The following TRABD variants were observed in gnomAD, a reference collection of about 807,000 sequenced individuals.
TRABD encodes traB domain-containing protein.
A neutral mutation model predicts 39.6 loss-of-function variants in TRABD; 23 were observed. The ratio of observed to expected loss-of-function variants is 0.58; its 90% CI spans 0.42 to 0.82. TRABD has a LOEUF of 0.82. TRABD is among the 40% of genes least tolerant of loss of function. The pLI is 0.00. For missense variants in TRABD, 487 were observed against 544.9 expected (o/e 0.89, Z 1.06); for synonymous variants, 243 against 232.1 (o/e 1.05, Z -0.43).
At position 50,185,966 on chromosome 22, in the gene TRABD, G is replaced by C. The variant is rs1274810564; in HGVS notation, c.-45G>C. 1 of 148,422 alleles carries C rather than the reference G, an allele frequency of 6.7e-6. No individual in the cohort carries two copies. Among genetic ancestry groups the C allele is most frequent in the Non-Finnish European group, 1.5e-5 (1 of 66,482 alleles). 9.2% of individuals were successfully genotyped at this position (148,422 alleles called of 1,614,324 possible). A position where few individuals can be genotyped will look rare whatever the true frequency, so the allele number is the denominator to read the frequency against. On this transcript the variant is annotated 5_prime_UTR_variant, in exon 1 of 10. Coordinates refer to ENST00000380909, the MANE Select transcript of TRABD (RefSeq NM_001320485.2). ...TGGAGGCCGGCTGAGGAGCGCCGCT[G>C]CCTCGCCTCGGTACGCCGCGCGGCG...
chr22:50,195,468 GTT>G (rs577443382), intron 5 of TRABD, among the ~76,000 whole-genome samples: 1 of 144,520 alleles, frequency 6.9e-6, no homozygotes. Context: ...TTCGGTTTTT[GTT>G]TTTTTTTTTT....
intron 3 of TRABD, among the ~76,000 whole-genome samples, chr22:50,194,009 CT>C (rs1392353454): frequency 6.6e-6 from 1 of 152,252 alleles, no homozygotes; most frequent in Non-Finnish European, 1.5e-5. Flanking sequence ...AGCCCCTCCC[CT>C]AGCTGAGCCC....
rs1405958914 is a variant in TRABD at position 50,194,530 on chromosome 22, C to G, written c.279+24C>G. On this transcript the variant is annotated intron_variant, in intron 4 of 9. Transcript: ENST00000380909. Reference sequence around the variant, plus strand: ...AGGTGAGCGCCGCCACCCGCCACATCCCGGACACGGGTTGGTGTAAGCTCC... The same window carrying G: ...AGGTGAGCGCCGCCACCCGCCACATGCCGGACACGGGTTGGTGTAAGCTCC... 1.9e-6 allele frequency: 3 copies of G among 1,562,912 alleles called. No individual in the cohort carries two copies. In the Admixed American group the frequency reaches 5.7e-5, roughly 30 times the overall value.
chr22:50,195,473 T>G (rs1232011324), intron 5 of TRABD, among the ~76,000 whole-genome samples: 5 of 151,868 alleles, frequency 3.3e-5, no homozygotes, highest in Non-Finnish European at 1.5e-5. Flanking sequence ...TTTTTGTTTT[T>G]TTTTTTTGAG....
rs1443805845 is a variant in TRABD at position 50,193,650 on chromosome 22, C to T, written c.108C>T (p.Asn36=). The change falls in exon 3 of 10, where the codon AAC becomes AAT. Residue 36 remains asparagine (N), a synonymous_variant. Transcript: ENST00000380909. ...VPRVLSGDPQ[N]LSDVDAFNLL... is the part of the protein sequence containing the mutation. ...GGGTGCTTTCTGGAGACCCCCAGAA[C>T]CTGTGTACGTGTCCCTCAGGGTCCT... is the stretch of plus-strand genomic sequence containing the variant. 5 of 1,613,514 alleles carry T rather than the reference C, an allele frequency of 3.1e-6. No homozygotes were observed. The African/African-American group carries it at 6.7e-5, about 22-fold the overall frequency.
Position 50,197,343 on chromosome 22 carries a change from T to G in TRABD, c.523T>G (p.Phe175Val). ...CCCAGGTGGCGAGTTCAGGGAGGCCTTCAAGGAGGTGGGCACAGGGTGAGG... is the reference window on the plus strand; with the variant it reads ...CCCAGGTGGCGAGTTCAGGGAGGCCGTCAAGGAGGTGGGCACAGGGTGAGG... ...MAPGGEFREA[F>V]KEASKVPFCK... The change falls in exon 6 of 10, where the codon TTC becomes GTC. Residue 175 changes from phenylalanine to valine, a missense_variant. By Grantham distance (50) the Phe-to-Val change is conservative. Transcript: ENST00000380909. 6.2e-7 allele frequency: 1 copy of G among 1,613,816 alleles called. No individual in the cohort carries two copies. The highest frequency in any genetic ancestry group is 8.5e-7 in the Non-Finnish European group (1 of 1,179,950).
intron 1 of TRABD, among the ~76,000 whole-genome samples, chr22:50,186,796 C>A (rs970448800): frequency 6.6e-6 from 1 of 152,238 alleles, no homozygotes; most frequent in Non-Finnish European, 1.5e-5. Context: ...CCCCGCTGTG[C>A]GCAGCCCAAA....
chr22:50,189,277 C>T (rs935483038), intron 1 of TRABD, among the ~76,000 whole-genome samples: 1 of 152,212 alleles, frequency 6.6e-6, no homozygotes, highest in African/African-American at 2.4e-5. Flanking sequence ...AGGTTCCCGC[C>T]TTAAACGGCG....
intron 7 of TRABD, 54 bp from the exon 8 acceptor site, chr22:50,197,769 A>ACCCCCCCCCCCCCTCTCCC (rs1218974476): frequency 1.7e-6 from 1 of 591,312 alleles, no homozygotes; most frequent in African/African-American, 3.3e-5. Flanking sequence ...TGCCAGCCCC[A>ACCCCCCCCCCCCCTCTCCC]CCCCCCCAGC....
At chr22:50,193,384 A>C (rs2063978291) in intron 2 of TRABD, among the ~76,000 whole-genome samples, 192 bp from the exon 3 acceptor site, 1 of 152,042 alleles carries the variant, frequency 6.6e-6, no homozygotes, top group African/African-American at 2.4e-5. Context: ...TGTGTGGTAC[A>C]CAGAGCGGCC....
In TRABD at chr22:50,198,199, C is replaced by A. The variant is rs2064192841; in HGVS notation, c.956+13C>A. 1.9e-6 allele frequency: 3 copies of A among 1,597,014 alleles called. No individual in the cohort carries two copies. The highest frequency in any genetic ancestry group is 2.6e-6 in the Non-Finnish European group (3 of 1,171,954). On this transcript the variant is annotated intron_variant, in intron 9 of 9. Transcript: ENST00000380909. The surrounding 1 kb of genome is among the most constrained non-coding windows in gnomAD (Gnocchi z 7.9). ...AGGAGATCATGACGTGAGTGCCCGC[C>A]CCTCCCTGCAAGCCCCACCCCACAA...
At chr22:50,197,418 A>C (rs760771303) in intron 6 of TRABD, 31 bp from the exon 7 acceptor site, 6 of 1,612,586 alleles carry the variant, frequency 3.7e-6, no homozygotes, top group African/African-American at 1.3e-5. Flanking sequence ...CGGGGTTCCC[A>C]CTGCTCCCCA....
At chr22:50,194,199 G>A (rs2064012434) in intron 3 of TRABD, 141 bp from the exon 4 acceptor site, 1 of 1,069,812 alleles carries the variant, frequency 9.3e-7, no homozygotes, top group African/African-American at 1.6e-5. Context: ...CCTGTGGAGT[G>A]TGACGCTCGT....
At position 50,198,777 on chromosome 22, in the gene TRABD, G is replaced by T; in HGVS notation, c.*258G>T. 1.8e-6 allele frequency: 1 copy of T among 543,406 alleles called. No individual in the cohort carries two copies. The highest frequency in any genetic ancestry group is 3.2e-6 in the Non-Finnish European group (1 of 308,556). 33.7% of individuals were successfully genotyped at this position (543,406 alleles called of 1,614,324 possible). A position where few individuals can be genotyped will look rare whatever the true frequency, so the allele number is the denominator to read the frequency against. ...GGGCCGTTCCCCAGCTTCTGGACAAGACACCCAGCTCCGAGGGGGCAGGGG... is the reference window on the plus strand; with the variant it reads ...GGGCCGTTCCCCAGCTTCTGGACAATACACCCAGCTCCGAGGGGGCAGGGG... On this transcript the variant is annotated 3_prime_UTR_variant, in exon 10 of 10. Transcript: ENST00000380909. This position sits in a 1 kb window ranked among gnomAD's most constrained non-coding sequence, Gnocchi z 7.9.
chr22:50,197,608 C>T lies in TRABD; in HGVS notation c.671+20C>T. The T allele has an allele frequency of 6.2e-7, 1 of 1,610,386 alleles. No individual in the cohort carries two copies. The highest frequency in any genetic ancestry group is 8.5e-7 in the Non-Finnish European group (1 of 1,178,266). ...CATCAGGTAGGGCTGCCCCCGGGACCCTGGCCGGCCTGCAGGGTGGTCTGT... is the reference window on the plus strand; with the variant it reads ...CATCAGGTAGGGCTGCCCCCGGGACTCTGGCCGGCCTGCAGGGTGGTCTGT... On this transcript the variant is annotated intron_variant, in intron 7 of 9. Transcript: ENST00000380909.
chr22:50,198,396 C>A lies in TRABD; in HGVS notation c.1008C>A (p.Ala336=). ...GAGTGTCTCGGTTGGCCGTGAAGGC[C>A]GCCTTCTTCGGCCTGCTGGGCTACA... The part of the protein sequence containing the change: ...SGRVSRLAVK[A]AFFGLLGYSL... The change falls in exon 10 of 10, where the codon GCC becomes GCA. Residue 336 remains alanine (A), a synonymous_variant. Transcript: ENST00000380909. This position sits in a 1 kb window ranked among gnomAD's most constrained non-coding sequence, Gnocchi z 7.9. 6.3e-7 allele frequency: 1 copy of A among 1,594,758 alleles called. No individual in the cohort carries two copies. Among genetic ancestry groups the A allele is most frequent in the Admixed American group, 1.7e-5 (1 of 58,190 alleles).
chr22:50,194,161 C>T lies in TRABD; in HGVS notation c.113-179C>T, dbSNP rs142275925. 3.0e-3 allele frequency among the ~76,000 whole-genome samples: 457 copies of T among 152,340 alleles called. 1 individual carries two copies. The highest frequency in any genetic ancestry group is 0.01 in the African/African-American group (418 of 41,580). On this transcript the variant is annotated intron_variant, in intron 3 of 9. Transcript: ENST00000380909. ...CCGTGCAGCTCACAGAGGTGGTAGC[C>T]GGTGTTCCCATCACTGGGCAGGCAA...
At position 50,199,277 on chromosome 22, in the gene TRABD, C is replaced by G. The variant is rs1602479876; in HGVS notation, c.*758C>G. On this transcript the variant is annotated 3_prime_UTR_variant, in exon 10 of 10. Coordinates refer to ENST00000380909, the MANE Select transcript of TRABD (RefSeq NM_001320485.2). ...GAGCCTGTGTCCTGAGCCCCCGGAGCGAAGGGGTGCCTGGGGCATCTTGGC... is the reference window on the plus strand; with the variant it reads ...GAGCCTGTGTCCTGAGCCCCCGGAGGGAAGGGGTGCCTGGGGCATCTTGGC... 6.7e-6 allele frequency: 4 copies of G among 600,574 alleles called. No homozygotes were observed. The highest frequency in any genetic ancestry group is 1.9e-5 in the African/African-American group (1 of 53,386). The allele number at this position is 600,574 out of a possible 1,614,324, so 37.2% of individuals were successfully genotyped here. A position where few individuals can be genotyped will look rare whatever the true frequency, so the allele number is the denominator to read the frequency against.
In TRABD at chr22:50,197,974, G is replaced by A. The variant is rs773867189; in HGVS notation, c.823G>A (p.Glu275Lys). The change falls in exon 8 of 10, where the codon GAG becomes AAG. Residue 275 changes from glutamate (E) to lysine (K), a missense_variant. Physicochemically the swap from Glu to Lys is moderately conservative, Grantham distance 56. Coordinates refer to ENST00000380909, the MANE Select transcript of TRABD (RefSeq NM_001320485.2). ...GCTGCGCCAGGCCGCGCGGCGCCTC[G>A]AGCTGCCTCGGGCCTCTGACGGTGA... is the stretch of plus-strand genomic sequence containing the variant. ...YMLRQAARRL[E>K]LPRASDAEPR... 13 of 1,612,258 alleles carry A rather than the reference G, an allele frequency of 8.1e-6. No homozygotes were observed. Among genetic ancestry groups the A allele is most frequent in the African/African-American group, 5.3e-5 (4 of 74,908 alleles).
Sources: allele counts gnomAD v4.1 joint callset (sites outside exome capture counted in the v4.1 genomes callset), GRCh38; gene constraint gnomAD v4.1.1; non-coding constraint Gnocchi (gnomAD v3.1); transcripts MANE v1.5; gene names NCBI Gene and HGNC (gene_info 2026-07-23, HGNC 2026-07-21).